The following TMEM131 variants were observed in gnomAD, a reference collection of about 807,000 sequenced individuals.
The protein encoded by TMEM131 is transmembrane protein 131, also known as 2610524E03Rik.
A neutral mutation model predicts 211.6 loss-of-function variants in TMEM131; 66 were observed. That is an observed-to-expected ratio of 0.31 (90% CI 0.26 to 0.38). The LOEUF is 0.38. Ranked by LOEUF, TMEM131 falls within the 10% of genes least tolerant of loss-of-function variation. The pLI is 1.00. For missense variants in TMEM131, 2,036 were observed against 2,299.3 expected, an observed-to-expected ratio of 0.89 and a Z score of 2.34; for synonymous variants, 844 against 841.3, an observed-to-expected ratio of 1.00 and a Z score of -0.06.
chr2:97,832,669 T>A lies in TMEM131; in HGVS notation c.1074+696A>T, dbSNP rs573881791. 1.8e-4 allele frequency among the ~76,000 whole-genome samples: 27 copies of A among 152,380 alleles called. No homozygotes were observed. In the South Asian group the frequency reaches 5.4e-3, roughly 30 times the overall value. On this transcript the variant is annotated intron_variant, in intron 11 of 40. Coordinates refer to ENST00000186436, the MANE Select transcript of TMEM131 (RefSeq NM_015348.2). ...TTTCTGGCATCAGCACAAATTATAA[T>A]AAAAATGTCCTATTTTCCTATATAA...
At chr2:97,941,776 T>C (rs1399416239) in intron 1 of TMEM131, among the ~76,000 whole-genome samples, 1 of 152,122 alleles carries the variant, frequency 6.6e-6, no homozygotes, top group Admixed American at 6.5e-5. Context: ...CACAATGCAA[T>C]ACCATCTCAC....
rs763189619 is a variant in TMEM131 at position 97,776,028 on chromosome 2, A to C, written c.4145-10T>G. On this transcript the variant is annotated splice_polypyrimidine_tract_variant and intron_variant, in intron 31 of 40. Transcript: ENST00000186436. ...AGAGGTTTTCCTTTCCCTGAGGATA[A>C]AAATTAAAGTAAAAGAACTCTTGTT... The C allele has an allele frequency of 1.9e-6, 3 of 1,595,546 alleles. No individual in the cohort carries two copies. Among genetic ancestry groups the C allele is most frequent in the Non-Finnish European group, 2.6e-6 (3 of 1,174,706 alleles).
chr2:97,846,353 G>A (rs1683430458), intron 5 of TMEM131, among the ~76,000 whole-genome samples: 1 of 152,198 alleles, frequency 6.6e-6, no homozygotes, highest in Non-Finnish European at 1.5e-5. Flanking sequence ...TCATGAGCAA[G>A]TAGTTTTTAA....
chr2:97,905,263 A>T (rs891155133), intron 3 of TMEM131, among the ~76,000 whole-genome samples: 1 of 152,190 alleles, frequency 6.6e-6, no homozygotes, highest in Non-Finnish European at 1.5e-5. Context: ...TACTTTAAAA[A>T]TGTCATTTCA....
chr2:97,783,903 G>A (rs561783963), intron 31 of TMEM131, among the ~76,000 whole-genome samples: 2 of 151,524 alleles, frequency 1.3e-5, no homozygotes, highest in African/African-American at 2.4e-5. Flanking sequence ...TGAAGTAAAA[G>A]GATGGAAAAA....
chr2:97,875,028 C>T (rs1487859017), intron 4 of TMEM131, among the ~76,000 whole-genome samples: 1 of 151,972 alleles, frequency 6.6e-6, no homozygotes, highest in Non-Finnish European at 1.5e-5. Flanking sequence ...GAATATTTAC[C>T]AAGCAAATGG....
At chr2:97,970,425 A>AT (rs1287076865) in intron 1 of TMEM131, among the ~76,000 whole-genome samples, 5 of 152,218 alleles carry the variant, frequency 3.3e-5, no homozygotes, top group Non-Finnish European at 7.3e-5. Context: ...ATCTGCAAAC[A>AT]TATCTGAAAA....
rs766895832 is a variant in TMEM131 at position 97,805,422 on chromosome 2, T to C, written c.2238A>G (p.Leu746=). The change falls in exon 21 of 41, where the codon CTA becomes CTG. Residue 746 remains leucine, a synonymous_variant. Coordinates refer to ENST00000186436, the MANE Select transcript of TMEM131 (RefSeq NM_015348.2). ...KIANIYFDPG[L]QCGDHCYVGL... Reference sequence around the variant, plus strand: ...CAACATAGCAATGATCCCCACACTGTAGTCCAGGATCAAAATAAATGTTTG... The same window carrying C: ...CAACATAGCAATGATCCCCACACTGCAGTCCAGGATCAAAATAAATGTTTG... 3.1e-6 allele frequency: 5 copies of C among 1,613,954 alleles called. 1 individual carries two copies. In the South Asian group the frequency reaches 4.4e-5, roughly 14 times the overall value.
chr2:97,835,195 A>G (rs1380052659), intron 8 of TMEM131, among the ~76,000 whole-genome samples: 2 of 152,396 alleles, frequency 1.3e-5, no homozygotes, highest in African/African-American at 2.4e-5. Flanking sequence ...ACAAATTGTC[A>G]GTTACAAAAT....
At position 97,842,216 on chromosome 2, in the gene TMEM131, G is replaced by A. The variant is rs958510448; in HGVS notation, c.601-279C>T. ...ATGCAATAGACAAAAGAAGAAAATA[G>A]GGAGTCAAAAGATTTCCTGACCCCA... On this transcript the variant is annotated intron_variant, in intron 6 of 40. Coordinates refer to ENST00000186436, the MANE Select transcript of TMEM131 (RefSeq NM_015348.2). Among the ~76,000 whole-genome samples the A allele has an allele frequency of 1.5e-4, 23 of 152,102 alleles. 1 individual carries two copies. The highest frequency in any genetic ancestry group is 4.4e-5 in the Non-Finnish European group (3 of 68,022).
intron 31 of TMEM131, among the ~76,000 whole-genome samples, chr2:97,777,777 T>C (rs1223065480): frequency 2.6e-5 from 4 of 152,136 alleles, no homozygotes; most frequent in Non-Finnish European, 4.4e-5. Context: ...ATCGTGCCAC[T>C]GTGCCCCAGC....
At chr2:97,919,396 A>C (rs556525409) in intron 2 of TMEM131, among the ~76,000 whole-genome samples, 1 of 152,108 alleles carries the variant, frequency 6.6e-6, no homozygotes, top group Non-Finnish European at 1.5e-5. Flanking sequence ...TCATTTGTAA[A>C]GGATATTTTC....
intron 4 of TMEM131, among the ~76,000 whole-genome samples, chr2:97,871,902 C>G (rs1674504526): frequency 6.7e-6 from 1 of 148,788 alleles, no homozygotes; most frequent in African/African-American, 2.5e-5. Flanking sequence ...GCTATGGAAA[C>G]AGAAAAACAT....
At chr2:97,958,408 CAG>C (rs1212215353) in intron 1 of TMEM131, among the ~76,000 whole-genome samples, 2 of 152,294 alleles carry the variant, frequency 1.3e-5, no homozygotes, top group African/African-American at 4.8e-5. Flanking sequence ...TTCCTGAAGA[CAG>C]AGAAAGCCCA....
At chr2:97,975,349 T>C (rs530293708) in intron 1 of TMEM131, among the ~76,000 whole-genome samples, 17 of 152,228 alleles carry the variant, frequency 1.1e-4, no homozygotes, top group African/African-American at 3.6e-4. Flanking sequence ...AGATGCTTTT[T>C]GTGAGATTAA....
Position 97,766,149 on chromosome 2 carries a change from T to G in TMEM131, c.4688A>C (p.Glu1563Ala). ...SEGEKDSPPP[E>A]WDSVPVHKPG... is the part of the protein sequence containing the mutation. ...TTTGTGAACTGGAACGGAATCCCAC[T>G]CCGGTGGAGGAGAGTCTTTTTCACC... Residue 1563 changes from glutamate to alanine, a missense_variant, in exon 35 of 41, where the codon GAG (glutamate) becomes GCG (alanine). By Grantham distance (107) the Glu-to-Ala change is moderately radical (BLOSUM62 -1). This residue lies in a region of TMEM131 where 1,623 missense variants were observed against 1,805.9 expected (regional missense o/e 0.90). Transcript: ENST00000186436. 6.2e-7 allele frequency: 1 copy of G among 1,614,048 alleles called. No individual in the cohort carries two copies. The highest frequency in any genetic ancestry group is 1.1e-5 in the South Asian group (1 of 91,082).
intron 5 of TMEM131, among the ~76,000 whole-genome samples, chr2:97,844,770 T>C (rs952173523): frequency 1.3e-5 from 2 of 152,208 alleles, no homozygotes; most frequent in African/African-American, 4.8e-5. Flanking sequence ...CCTGTTACTT[T>C]CTGCAGATTA....
At chr2:97,876,480 C>T (rs1674700651) in intron 4 of TMEM131, among the ~76,000 whole-genome samples, 1 of 151,388 alleles carries the variant, frequency 6.6e-6, no homozygotes, top group African/African-American at 2.4e-5. Context: ...AACTGAATAG[C>T]ACATCAAAAA....
chr2:97,956,979 C>T (rs1009889407), intron 1 of TMEM131, among the ~76,000 whole-genome samples: 1 of 151,980 alleles, frequency 6.6e-6, no homozygotes, highest in African/African-American at 2.4e-5. Context: ...TGCCTGTAGT[C>T]CCAGCTATTC....
Sources: allele counts gnomAD v4.1 joint callset (sites outside exome capture counted in the v4.1 genomes callset), GRCh38; gene constraint gnomAD v4.1.1; regional missense constraint gnomAD v4.1.1; transcripts MANE v1.5; gene names NCBI Gene and HGNC (gene_info 2026-07-23, HGNC 2026-07-21).